TEKT5: variants seen among roughly 807,000 people sequenced by gnomAD.
The protein encoded by TEKT5 is tektin-5.
In TEKT5, 52 loss-of-function variants were observed where a neutral mutation model predicts 48.7. That is an observed-to-expected ratio of 1.07 (90% CI 0.86 to 1.35). The LOEUF (loss-of-function observed/expected upper bound fraction) is 1.35, where lower values mean the gene tolerates loss of function less well. Ranked by LOEUF, TEKT5 falls within the 40% of genes most tolerant of loss-of-function variation. The pLI, the probability that TEKT5 is intolerant of heterozygous loss-of-function variation, is 0.00. For synonymous variants in TEKT5, 318 were observed against 267.6 expected, an observed-to-expected ratio of 1.19 and a Z score of -1.84; for missense variants, 831 against 641.6, an observed-to-expected ratio of 1.30 and a Z score of -3.19.
chr16:10,694,316 T>C lies in TEKT5; in HGVS notation c.558A>G (p.Pro186=). 1.3e-6 allele frequency: 2 copies of C among 1,594,152 alleles called. No individual in the cohort carries two copies. Among genetic ancestry groups the C allele is most frequent in the African/African-American group, 1.3e-5 (1 of 74,732 alleles). The stretch of plus-strand genomic sequence containing the variant: ...TCCCCACCCCTGTACTCACCTGCAA[T>C]GGGCAGTTCACCTCATTGGCCGCGC... ...LECAANEVNC[P]LQVALECLYH... The change falls in exon 1 of 7, where the codon CCA becomes CCG. Residue 186 remains proline, a synonymous_variant. Coordinates refer to ENST00000283025, the MANE Select transcript of TEKT5 (RefSeq NM_144674.2).
chr16:10,652,339 C>T (rs1010290104), intron 5 of TEKT5, among the ~76,000 whole-genome samples: 3 of 151,938 alleles, frequency 2.0e-5, no homozygotes, highest in Admixed American at 2.0e-4. Flanking sequence ...AAAGGAAAGT[C>T]CTGCCCTCCC....
intron 1 of TEKT5, chr16:10,690,826 G>T (rs916354904): frequency 3.7e-5 from 36 of 970,232 alleles, no homozygotes; most frequent in Admixed American, 1.2e-4. Flanking sequence ...AAAGGGCCCA[G>T]GAGCAGAAGG....
intron 5 of TEKT5, among the ~76,000 whole-genome samples, chr16:10,665,465 T>C (rs760477693): frequency 6.6e-6 from 1 of 152,168 alleles, no homozygotes; most frequent in Non-Finnish European, 1.5e-5. Flanking sequence ...ACAGTCTCGT[T>C]TGTGCTGCCC....
In TEKT5 at chr16:10,677,042, G is replaced by T. The variant is rs147974161; in HGVS notation, c.864-861C>A. Among the ~76,000 whole-genome samples, 869 of 152,148 alleles carry T rather than the reference G, an allele frequency of 5.7e-3. 10 individuals carry two copies. Among genetic ancestry groups the T allele is most frequent in the African/African-American group, 0.02 (818 of 41,528 alleles). On this transcript the variant is annotated intron_variant, in intron 4 of 6. Transcript: ENST00000283025. The stretch of plus-strand genomic sequence containing the variant: ...TCTATAAAAAATGTCAAAAAAAAAA[G>T]TACCTACATGTGGTGGTGCATGCCT...
rs149327812 is a variant in TEKT5 at position 10,633,471 on chromosome 16, G to A, written c.1241+2293C>T. Among the ~76,000 whole-genome samples the A allele has an allele frequency of 2.4e-3, 370 of 152,260 alleles. 5 individuals are homozygous for A. Among genetic ancestry groups the A allele is most frequent in the African/African-American group, 8.5e-3 (351 of 41,530 alleles). ...GCAGGGGCAGAGGGAAGAGAGGTCA[G>A]CAGAGCCCAGCCCCCACTCTCCTGC... On this transcript the variant is annotated intron_variant, in intron 6 of 6. Coordinates refer to ENST00000283025, the MANE Select transcript of TEKT5 (RefSeq NM_144674.2).
intron 5 of TEKT5, among the ~76,000 whole-genome samples, chr16:10,669,526 T>C (rs1898519651): frequency 6.6e-6 from 1 of 152,182 alleles, no homozygotes; most frequent in Non-Finnish European, 1.5e-5. Context: ...CTAGCACTTT[T>C]GAGATGGTCA....
At chr16:10,660,604 A>G (rs2719657) in intron 5 of TEKT5, among the ~76,000 whole-genome samples, 30,972 of 151,690 alleles carry the variant, frequency 0.2, 3,612 homozygotes, top group East Asian at 0.45. Flanking sequence ...ACACATGCCC[A>G]GAGCCGCCAC....
At chr16:10,688,030 G>A (rs766148565) in intron 3 of TEKT5, among the ~76,000 whole-genome samples, 82 of 152,012 alleles carry the variant, frequency 5.4e-4, no homozygotes, top group Non-Finnish European at 4.4e-4. Flanking sequence ...ATAAATTATT[G>A]TTGACTGTAG....
intron 5 of TEKT5, among the ~76,000 whole-genome samples, chr16:10,658,167 G>C (rs149583534): frequency 1.3e-5 from 2 of 152,270 alleles, no homozygotes; most frequent in African/African-American, 4.8e-5. Flanking sequence ...ATATGCGGCT[G>C]GTGGAAGTCA....
chr16:10,668,147 G>A (rs1442280937), intron 5 of TEKT5, among the ~76,000 whole-genome samples: 1 of 151,944 alleles, frequency 6.6e-6, no homozygotes, highest in Non-Finnish European at 1.5e-5. Context: ...CCAAAGTGCT[G>A]GGATTACAGA....
At chr16:10,637,957 C>T (rs1486926835) in intron 5 of TEKT5, among the ~76,000 whole-genome samples, 3 of 152,180 alleles carry the variant, frequency 2.0e-5, no homozygotes, top group Non-Finnish European at 2.9e-5. Flanking sequence ...ATTACAGTCA[C>T]ACACCACCAC....
At chr16:10,676,794 C>T (rs550017444) in intron 4 of TEKT5, among the ~76,000 whole-genome samples, 10 of 152,204 alleles carry the variant, frequency 6.6e-5, no homozygotes, top group African/African-American at 1.9e-4. Flanking sequence ...TGAACAAGAA[C>T]GGCAACATCC....
intron 5 of TEKT5, among the ~76,000 whole-genome samples, chr16:10,647,624 C>T (rs964664568): frequency 1.3e-5 from 2 of 149,734 alleles, no homozygotes; most frequent in Admixed American, 6.6e-5. Context: ...AGACCTGAGC[C>T]CACCTTGTCT....
At position 10,675,968 on chromosome 16, in the gene TEKT5, C is replaced by A. The variant is rs151243776; in HGVS notation, c.1077G>T (p.Gln359His). Residue 359 changes from glutamine to histidine, a missense_variant, in exon 5 of 7, where the codon CAG becomes CAT. Physicochemically the swap from Gln to His is conservative, Grantham distance 24 (BLOSUM62 0). Transcript: ENST00000283025. ...GGGAGGATCTGCTCACCTTCGCCAG[C>A]TGCGTCTGCAGCTTATTCTTCACAT... ...VTDVKNKLQTQLAKTLQEIFQ... is the reference protein window; with the variant it reads ...VTDVKNKLQTHLAKTLQEIFQ... 3 of 1,614,188 alleles carry A rather than the reference C, an allele frequency of 1.9e-6. No homozygotes were observed. The highest frequency in any genetic ancestry group is 2.5e-6 in the Non-Finnish European group (3 of 1,180,034).
chr16:10,694,778 G>A lies in TEKT5; in HGVS notation c.96C>T (p.Ile32=), dbSNP rs1325896052. ...GGTAGTAGGGCTGATAGCATTCCTG[G>A]ATCACTGGCGCCTGTACAGCTGGCA... The part of the protein sequence containing the change: ...TSLPAVQAPV[I]QECYQPYYLP... Residue 32 remains isoleucine (I), a synonymous_variant, in exon 1 of 7, where the codon ATC becomes ATT. Transcript: ENST00000283025. 3.1e-6 allele frequency: 5 copies of A among 1,613,814 alleles called. No homozygotes were observed. The highest frequency in any genetic ancestry group is 2.7e-5 in the African/African-American group (2 of 74,920).
At chr16:10,672,587 C>T (rs935842287) in intron 5 of TEKT5, among the ~76,000 whole-genome samples, 2 of 152,118 alleles carry the variant, frequency 1.3e-5, no homozygotes, top group Non-Finnish European at 1.5e-5. Context: ...CAGAGCGAGA[C>T]TGTCTCAAAA....
Position 10,681,990 on chromosome 16 carries a change from T to C in TEKT5, c.863+3A>G. ...GGATGGGGAGGGGGAGTCTGATACT[T>C]ACGTGCCGTCAATTTTCTCCATGCC... is the stretch of plus-strand genomic sequence containing the variant. On this transcript the variant is annotated splice_donor_region_variant and intron_variant, in intron 4 of 6. Coordinates refer to ENST00000283025, the MANE Select transcript of TEKT5 (RefSeq NM_144674.2). The C allele has an allele frequency of 1.2e-6, 2 of 1,613,850 alleles. No individual in the cohort carries two copies. Among genetic ancestry groups the C allele is most frequent in the Admixed American group, 1.7e-5 (1 of 60,018 alleles).
chr16:10,677,105 C>A (rs930192546), intron 4 of TEKT5, among the ~76,000 whole-genome samples: 34 of 152,262 alleles, frequency 2.2e-4, no homozygotes, highest in African/African-American at 7.2e-4. Flanking sequence ...GTGGGAGGAT[C>A]GCTTGAGCCC....
In TEKT5 at chr16:10,676,060, C is replaced by G. The variant is rs1447935826; in HGVS notation, c.985G>C (p.Asp329His). The change falls in exon 5 of 7, where the codon GAT becomes CAT. Residue 329 changes from aspartate to histidine, a missense_variant. By Grantham distance (81) the Asp-to-His change is moderately conservative (BLOSUM62 -1). Coordinates refer to ENST00000283025, the MANE Select transcript of TEKT5 (RefSeq NM_144674.2). ...EAEHLFETLSDQMWRQFTDTN... is the reference protein window; with the variant it reads ...EAEHLFETLSHQMWRQFTDTN... ...TCTGTGAACTGCCTCCACATCTGATCCGACAAGGTCTCAAAGAGGTGCTCC... is the reference window on the plus strand; with the variant it reads ...TCTGTGAACTGCCTCCACATCTGATGCGACAAGGTCTCAAAGAGGTGCTCC... The G allele has an allele frequency of 1.9e-6, 3 of 1,614,254 alleles. 1 individual carries two copies. In the South Asian group the frequency reaches 3.3e-5, roughly 18 times the overall value.
Sources: gnomAD v4.1 joint callset for allele counts (sites outside exome capture counted in the v4.1 genomes callset) on GRCh38, gnomAD v4.1.1 for gene constraint, MANE v1.5 for transcripts, NCBI Gene and HGNC (gene_info 2026-07-23, HGNC 2026-07-21) for gene names.